DSE: variants seen among roughly 807,000 people sequenced by gnomAD.
DSE encodes the protein dermatan sulfate epimerase, also known as dermatan-sulfate epimerase.
DSE carries 36 observed loss-of-function variants against 84.4 expected under a neutral mutation model. That is an observed-to-expected ratio of 0.43 (90% CI 0.33 to 0.56). The LOEUF (loss-of-function observed/expected upper bound fraction) is 0.56, where lower values mean the gene tolerates loss of function less well. DSE is among the 20% of genes least tolerant of loss of function. The pLI, the probability that DSE is intolerant of heterozygous loss-of-function variation, is 0.06. For synonymous variants in DSE, 410 were observed against 430.1 expected (o/e 0.95, Z 0.58); for missense variants, 862 against 1,169.6 (o/e 0.74, Z 3.84).
intron 2 of DSE, chr6:116,276,507 T>G (rs1295641666): frequency 1.3e-5 from 2 of 152,342 alleles, no homozygotes; most frequent in African/African-American, 4.8e-5. Flanking sequence ...TTTGGGATAA[T>G]GTCTATTGTG....
At chr6:116,254,181 T>G (rs910391) in exon 1 of DSE, 542,962 of 748,796 alleles carry the variant, frequency 0.73, 202,691 homozygotes, top group East Asian at 1. Flanking sequence ...CTCTGCGCGG[T>G]TGACTACGCT....
At chr6:116,337,735 G>T (rs1055197881) in intron 2 of DSE, among the ~76,000 whole-genome samples, 1 of 152,122 alleles carries the variant, frequency 6.6e-6, no homozygotes, top group Non-Finnish European at 1.5e-5. Flanking sequence ...TCAAATAAAA[G>T]ATTTAGAAAA....
chr6:116,314,778 A>T (rs1056471679), intron 2 of DSE, among the ~76,000 whole-genome samples: 1 of 152,238 alleles, frequency 6.6e-6, no homozygotes, highest in African/African-American at 2.4e-5. Context: ...GGAGACCAGT[A>T]GATAACCCAT....
intron 2 of DSE, among the ~76,000 whole-genome samples, chr6:116,339,788 T>C (rs750421045): frequency 6.6e-6 from 1 of 152,198 alleles, no homozygotes; most frequent in African/African-American, 2.4e-5. Flanking sequence ...CTGGTGCTAA[T>C]AAAATTATAG....
At chr6:116,311,709 C>G (rs58437684) in intron 2 of DSE, among the ~76,000 whole-genome samples, 33,670 of 152,128 alleles carry the variant, frequency 0.22, 5,091 homozygotes, top group African/African-American at 0.43. Flanking sequence ...CTTGCGATTC[C>G]TTGTGTATGG....
chr6:116,429,845 G>C (rs1783701281), intron 3 of DSE, among the ~76,000 whole-genome samples: 2 of 65,348 alleles, frequency 3.1e-5, no homozygotes, highest in South Asian at 6.8e-4. Context: ...CCAGCTACTC[G>C]GGAGGCTGAG....
chr6:116,416,818 T>C (rs978884082), intron 2 of DSE, among the ~76,000 whole-genome samples: 1 of 152,254 alleles, frequency 6.6e-6, no homozygotes, highest in East Asian at 1.9e-4. Flanking sequence ...TGCATAGACA[T>C]TGACTGAGTG....
chr6:116,444,625 C>T lies in DSE; in HGVS notation c.*7280C>T, dbSNP rs935271940. 7 of 152,070 alleles carry T rather than the reference C, an allele frequency of 4.6e-5. No homozygotes were observed. Among genetic ancestry groups the T allele is most frequent in the African/African-American group, 1.7e-4 (7 of 41,398 alleles). The allele number at this position is 152,070 out of a possible 1,614,324, so 9.4% of individuals were successfully genotyped here. A position where few individuals can be genotyped will look rare whatever the true frequency, so the allele number is the denominator to read the frequency against. On this transcript the variant is annotated 3_prime_UTR_variant, in exon 6 of 6. Transcript: ENST00000644252. ...AATGTGATAGTATTAGGATGTGGGG[C>T]CTTTGGAAAGTGATTAGGTTATGAA...
chr6:116,352,895 G>T (rs1231803025), intron 2 of DSE, among the ~76,000 whole-genome samples: 1 of 151,868 alleles, frequency 6.6e-6, no homozygotes, highest in East Asian at 1.9e-4. Flanking sequence ...TTCTTTCCTC[G>T]TTTCTTTCTC....
rs371186814 is a variant in DSE at position 116,279,350 on chromosome 6, C to T, written c.-54+20383C>T. 193 of 1,611,422 alleles carry T rather than the reference C, an allele frequency of 1.2e-4. No homozygotes were observed. Among genetic ancestry groups the T allele is most frequent in the Non-Finnish European group, 1.6e-4 (193 of 1,180,008 alleles). ...TCAGCCACGGCTGCTGAGACGGTGG[C>T]GCACTTTCCTGTCTTCACCTCCTCC... is the stretch of plus-strand genomic sequence containing the variant. On this transcript the variant is annotated intron_variant, in intron 2 of 3. Coordinates refer to the DSE transcript ENST00000430252.
chr6:116,293,393 T>A (rs1774424839), intron 2 of DSE, among the ~76,000 whole-genome samples: 1 of 151,784 alleles, frequency 6.6e-6, no homozygotes, highest in Non-Finnish European at 1.5e-5. Flanking sequence ...TGCCTCAGAC[T>A]CCCAAGTAAT....
chr6:116,432,885 A>G (rs1169307579), intron 4 of DSE: 1 of 160,732 alleles, frequency 6.2e-6, no homozygotes, highest in Non-Finnish European at 1.4e-5. Flanking sequence ...AACTTCGTAT[A>G]TAGTATAACT....
chr6:116,286,072 C>T (rs1032288237), intron 2 of DSE, among the ~76,000 whole-genome samples: 3 of 152,120 alleles, frequency 2.0e-5, no homozygotes, highest in African/African-American at 7.2e-5. Context: ...TCATTGGTAG[C>T]TTGATGGGGA....
intron 2 of DSE, among the ~76,000 whole-genome samples, chr6:116,332,096 G>A (rs931786477): frequency 4.6e-5 from 7 of 152,098 alleles, no homozygotes; most frequent in Middle Eastern, 3.4e-3. Flanking sequence ...TTCTAATCTC[G>A]ACTTGTAGAT....
chr6:116,442,181 G>A lies in DSE; in HGVS notation c.*4836G>A, dbSNP rs1204517556. The A allele has an allele frequency of 6.6e-6, 1 of 152,400 alleles. No homozygotes were observed. The highest frequency in any genetic ancestry group is 1.5e-5 in the Non-Finnish European group (1 of 68,210). The allele number at this position is 152,400 out of a possible 1,614,324, so 9.4% of individuals were successfully genotyped here. ...AGGCCCTGAGCTCAGTATGTGTTTG[G>A]TGTATTTAGGACTAGGAGGCCAGTG... is the stretch of plus-strand genomic sequence containing the variant. On this transcript the variant is annotated 3_prime_UTR_variant, in exon 6 of 6. Coordinates refer to ENST00000644252, the MANE Select transcript of DSE (RefSeq NM_013352.4).
chr6:116,279,746 C>T (rs1286511804), intron 2 of DSE: 1 of 1,612,012 alleles, frequency 6.2e-7, no homozygotes, highest in Non-Finnish European at 8.5e-7. Flanking sequence ...TGGTGTGCGT[C>T]CTGGTCGCTC....
intron 2 of DSE, among the ~76,000 whole-genome samples, chr6:116,282,571 TCTC>T (rs1773607173): frequency 1.3e-5 from 2 of 152,210 alleles, no homozygotes; most frequent in African/African-American, 4.8e-5. Flanking sequence ...AACTCTTCCT[TCTC>T]TTCTTGTCGA....
Position 116,399,278 on chromosome 6 carries a change from A to G in DSE, c.28A>G (p.Ser10Gly). The G allele has an allele frequency of 1.9e-6, 3 of 1,613,994 alleles. No individual in the cohort carries two copies. The highest frequency in any genetic ancestry group is 1.6e-4 in the Middle Eastern group (1 of 6,062). MRTHTRGAP[S>G]VFFIYLLCFV... ...GAGGACTCACACACGGGGGGCTCCC[A>G]GTGTGTTTTTCATATATTTGCTTTG... The change falls in exon 2 of 6, where the codon AGT becomes GGT. Residue 10 changes from serine to glycine, a missense_variant. Coordinates refer to ENST00000644252, the MANE Select transcript of DSE (RefSeq NM_013352.4).
At chr6:116,279,497 A>G in intron 2 of DSE, 1 of 1,611,150 alleles carries the variant, frequency 6.2e-7, no homozygotes, top group Non-Finnish European at 8.5e-7. Context: ...ATCACCACAG[A>G]AGCGGCTGCC....
Sources: gnomAD v4.1 joint callset for allele counts (sites outside exome capture counted in the v4.1 genomes callset) on GRCh38, gnomAD v4.1.1 for gene constraint, MANE v1.5 for transcripts, NCBI Gene and HGNC (gene_info 2026-07-23, HGNC 2026-07-21) for gene names.